MYOM2: variants seen among roughly 807,000 people sequenced by gnomAD.
The protein encoded by MYOM2 is myomesin 2.
A neutral mutation model predicts 187.6 loss-of-function variants in MYOM2; 254 were observed. The ratio of observed to expected loss-of-function variants is 1.35; its 90% CI spans 1.22 to 1.50. MYOM2 has a LOEUF of 1.50. MYOM2 is among the 40% of genes most tolerant of loss of function. The pLI is 0.00. For synonymous variants in MYOM2, 981 were observed against 753.8 expected (o/e 1.30, Z -4.94); for missense variants, 2,796 against 1,924.0 (o/e 1.45, Z -8.48).
chr8:2,093,451 C>A (rs1445010018), intron 16 of MYOM2, among the ~76,000 whole-genome samples: 8 of 152,152 alleles, frequency 5.3e-5, no homozygotes, highest in African/African-American at 1.9e-4. Context: ...GTAGTGCCTG[C>A]AATAGTGCTG....
intron 14 of MYOM2, among the ~76,000 whole-genome samples, chr8:2,086,289 G>A (rs1175176333): frequency 0.13 from 2,749 of 20,660 alleles, 342 homozygotes; most frequent in Admixed American, 0.18. Flanking sequence ...CCCCACTGTC[G>A]TGATCTCCGC....
At chr8:2,082,513 C>CT (rs1819663699) in intron 13 of MYOM2, among the ~76,000 whole-genome samples, 1 of 152,100 alleles carries the variant, frequency 6.6e-6, no homozygotes, top group Non-Finnish European at 1.5e-5. Context: ...CTATTTTTGA[C>CT]TTTTTGCCGA....
intron 13 of MYOM2, among the ~76,000 whole-genome samples, chr8:2,081,053 C>T (rs6999422): frequency 1.6e-3 from 162 of 100,220 alleles, no homozygotes; most frequent in African/African-American, 4.7e-3. Context: ...CCAGCCCGTG[C>T]AGAATGAGGT....
chr8:2,085,163 G>C, intron 13 of MYOM2, 100 bp from the exon 14 acceptor site: 2 of 1,446,802 alleles, frequency 1.4e-6, no homozygotes, highest in Admixed American at 2.2e-5. Flanking sequence ...AACAAAACAA[G>C]TTCAACACCC....
In MYOM2 at chr8:2,073,509, A is replaced by G. The variant is rs768375988; in HGVS notation, c.1120+9A>G. 1.3e-6 allele frequency: 2 copies of G among 1,592,788 alleles called. No individual in the cohort carries two copies. The highest frequency in any genetic ancestry group is 2.2e-5 in the East Asian group (1 of 44,660). ...CTTCCTGTTTGTCAGAGGTGCGGGC[A>G]GCAGGGTTCTCAGGGTGCAGACCTT... is the stretch of plus-strand genomic sequence containing the variant. On this transcript the variant is annotated intron_variant, in intron 10 of 36. Coordinates refer to ENST00000262113, the MANE Select transcript of MYOM2 (RefSeq NM_003970.4).
rs745736323 is a variant in MYOM2, at chr8:2,144,897, C to A, written c.4314C>A (p.His1438Gln). Residue 1438 changes from histidine (H) to glutamine (Q), a missense_variant, in exon 37 of 37, where the codon CAC becomes CAA. His to Gln is a conservative substitution (Grantham distance 24, BLOSUM62 0). Transcript: ENST00000262113. ...ACGTGACAGTGAGCGTGTACAAACACGGGGAGAAGATCCCGGACATGGCCC... is the reference window on the plus strand; with the variant it reads ...ACGTGACAGTGAGCGTGTACAAACAAGGGGAGAAGATCCCGGACATGGCCC... ...KIDVTVSVYK[H>Q]GEKIPDMAPP... 6 of 1,613,980 alleles carry A rather than the reference C, an allele frequency of 3.7e-6. No individual in the cohort carries two copies. The East Asian group carries it at 6.7e-5, about 18-fold the overall frequency.
At chr8:2,111,020 C>G (rs1376263959) in intron 25 of MYOM2, among the ~76,000 whole-genome samples, 1 of 152,194 alleles carries the variant, frequency 6.6e-6, no homozygotes, top group Non-Finnish European at 1.5e-5. Flanking sequence ...GACTTACTGT[C>G]TGATCCAGGT....
At chr8:2,089,548 G>A (rs1309479281) in intron 14 of MYOM2, among the ~76,000 whole-genome samples, 3 of 152,148 alleles carry the variant, frequency 2.0e-5, no homozygotes, top group African/African-American at 7.2e-5. Flanking sequence ...GTGTCTGACC[G>A]TATTGACAGC....
chr8:2,077,984 G>C (rs1819492438), intron 11 of MYOM2, among the ~76,000 whole-genome samples: 1 of 152,186 alleles, frequency 6.6e-6, no homozygotes, highest in African/African-American at 2.4e-5. Flanking sequence ...TAGGAGGAGA[G>C]CTGGTTCTTT....
chr8:2,077,685 C>A, intron 11 of MYOM2, among the ~76,000 whole-genome samples: 1 of 152,202 alleles, frequency 6.6e-6, no homozygotes, highest in East Asian at 1.9e-4. Flanking sequence ...GCCATGTTGA[C>A]AAAAACCATT....
chr8:2,121,979 C>A (rs776685918), intron 28 of MYOM2, among the ~76,000 whole-genome samples: 22 of 152,106 alleles, frequency 1.4e-4, no homozygotes. Flanking sequence ...GAATTAGAAC[C>A]GTCTCCCCCA....
Position 2,109,471 on chromosome 8 carries a change from C to T in MYOM2, c.3120C>T (p.His1040=), listed in dbSNP as rs767930123. 88 of 1,613,336 alleles carry T rather than the reference C, an allele frequency of 5.5e-5. No homozygotes were observed. Among genetic ancestry groups the T allele is most frequent in the Non-Finnish European group, 7.1e-5 (84 of 1,179,708 alleles). ...GRVRFWLQAE[H]LSPDASYRFI... is the part of the protein sequence containing the mutation. ...TTCGCTTCTGGCTCCAGGCTGAGCA[C>T]TTATCACCAGATGCCAGCTACCGAT... is the stretch of plus-strand genomic sequence containing the variant. Residue 1040 remains histidine, a synonymous_variant, in exon 25 of 37, where the codon CAC becomes CAT. Transcript: ENST00000262113.
chr8:2,097,386 T>A (rs940768482), intron 18 of MYOM2, among the ~76,000 whole-genome samples: 55 of 152,346 alleles, frequency 3.6e-4, no homozygotes, highest in African/African-American at 1.3e-3. Context: ...ATTGTACGTA[T>A]GGGGTACAAT....
chr8:2,100,082 TTCTTTCC>T (rs1216488992), intron 19 of MYOM2, among the ~76,000 whole-genome samples: 4,595 of 39,626 alleles, frequency 0.12, 198 homozygotes, highest in East Asian at 0.27. Flanking sequence ...CCTTCCTTTC[TTCTTTCC>T]TTCCTTCCTT....
At chr8:2,100,800 C>T (rs541330595) in intron 19 of MYOM2, 76 bp from the exon 20 acceptor site, 14 of 1,470,592 alleles carry the variant, frequency 9.5e-6, no homozygotes, top group Middle Eastern at 1.8e-4. Context: ...AGCAGTGGGT[C>T]CCCGGGGCTG....
rs542677596 is a variant in MYOM2, at chr8:2,131,141, G to A, written c.3800+1909G>A. The stretch of plus-strand genomic sequence containing the variant: ...CACCCACACACAGGATTAAACACAC[G>A]CCCTGTGGATGTGTGTGACCACACA... On this transcript the variant is annotated intron_variant, in intron 32 of 36. Transcript: ENST00000262113. Among the ~76,000 whole-genome samples, 29 of 152,290 alleles carry A rather than the reference G, an allele frequency of 1.9e-4. No homozygotes were observed. In the Middle Eastern group the frequency reaches 0.01, roughly 54 times the overall value.
chr8:2,064,482 G>T (rs17751423), intron 6 of MYOM2, among the ~76,000 whole-genome samples: 1 of 152,194 alleles, frequency 6.6e-6, no homozygotes, highest in Non-Finnish European at 1.5e-5. Flanking sequence ...CTCCGGTGAC[G>T]GGTTTCTTTA....
intron 25 of MYOM2, among the ~76,000 whole-genome samples, chr8:2,114,608 T>A (rs1027715329): frequency 6.6e-6 from 1 of 152,070 alleles, no homozygotes; most frequent in Non-Finnish European, 1.5e-5. Context: ...TAGCTGGGAT[T>A]ACAGGCGTGC....
rs748051802 is a variant in MYOM2, at chr8:2,106,508, A to G, written c.2909A>G (p.Lys970Arg). The change falls in exon 23 of 37, where the codon AAG becomes AGG. Residue 970 changes from lysine to arginine, a missense_variant. By Grantham distance (26) the Lys-to-Arg change is conservative. Coordinates refer to ENST00000262113, the MANE Select transcript of MYOM2 (RefSeq NM_003970.4). Reference protein sequence around the residue: ...TVGDHSKLYLKNPDKEDLGTY... With the variant: ...TVGDHSKLYLRNPDKEDLGTY... The stretch of plus-strand genomic sequence containing the variant: ...CTTTTTAGCTCCAAGCTGTACTTAA[A>G]GAATCCGGATAAGGAGGATTTAGGG... The G allele has an allele frequency of 9.3e-6, 15 of 1,612,578 alleles. No homozygotes were observed. In the South Asian group the frequency reaches 1.5e-4, roughly 17 times the overall value.
Sources: allele counts gnomAD v4.1 joint callset (sites outside exome capture counted in the v4.1 genomes callset), GRCh38; gene constraint gnomAD v4.1.1; transcripts MANE v1.5; gene names NCBI Gene and HGNC (gene_info 2026-07-23, HGNC 2026-07-21).